GABBR2: variants seen among roughly 807,000 people sequenced by gnomAD.
GABBR2 encodes gamma-aminobutyric acid type B receptor subunit 2, also known as G-protein coupled receptor 51.
A neutral mutation model predicts 105.6 loss-of-function variants in GABBR2; 23 were observed. The observed-to-expected ratio is 0.22, with a 90% CI of 0.16 to 0.31. The LOEUF (loss-of-function observed/expected upper bound fraction) is 0.31, where lower values mean the gene tolerates loss of function less well. Among genes scored for constraint, GABBR2 ranks in the 10% least tolerant of loss-of-function variants. The pLI, the probability that GABBR2 is intolerant of heterozygous loss-of-function variation, is 1.00. For missense variants in GABBR2, 734 were observed against 1,245.5 expected, an observed-to-expected ratio of 0.59 and a Z score of 6.18; for synonymous variants, 478 against 499.7, an observed-to-expected ratio of 0.96 and a Z score of 0.58.
chr9:98,587,267 G>A (rs1443017874), intron 1 of GABBR2, among the ~76,000 whole-genome samples: 1 of 152,086 alleles, frequency 6.6e-6, no homozygotes, highest in African/African-American at 2.4e-5. Flanking sequence ...AGCACTCCCA[G>A]CCACAATGCC....
chr9:98,300,358 C>T (rs898237178), intron 16 of GABBR2, among the ~76,000 whole-genome samples: 4 of 151,098 alleles, frequency 2.6e-5, no homozygotes, highest in African/African-American at 4.9e-5. Context: ...TTGCCCAGGC[C>T]GGTCTTGAAC....
chr9:98,562,938 T>C (rs558439694), intron 2 of GABBR2, among the ~76,000 whole-genome samples: 1 of 151,166 alleles, frequency 6.6e-6, no homozygotes, highest in East Asian at 2.0e-4. Flanking sequence ...GGTATGGTGG[T>C]GTGCGCCTGT....
At position 98,289,223 on chromosome 9, in the gene GABBR2, A is replaced by C. The variant is rs1292148618; in HGVS notation, c.*1361T>G. 6.6e-6 allele frequency: 1 copy of C among 152,372 alleles called. No homozygotes were observed. Among genetic ancestry groups the C allele is most frequent in the East Asian group, 1.9e-4 (1 of 5,198 alleles). 9.4% of individuals were successfully genotyped at this position (152,372 alleles called of 1,614,324 possible). On this transcript the variant is annotated 3_prime_UTR_variant, in exon 19 of 19. Transcript: ENST00000259455. ...GTTTGGTACAAAGCTTTCCTGGACA[A>C]GATCAAGTTTCAATCCTCAGAGTGA...
intron 7 of GABBR2, among the ~76,000 whole-genome samples, chr9:98,451,526 C>T (rs765183566): frequency 5.8e-5 from 8 of 137,928 alleles, no homozygotes; most frequent in Non-Finnish European, 8.5e-5. Context: ...CCAAGTGCCT[C>T]CCCACTGCCC....
chr9:98,701,194 G>A (rs1343925351), intron 1 of GABBR2, among the ~76,000 whole-genome samples: 1 of 152,188 alleles, frequency 6.6e-6, no homozygotes. Flanking sequence ...ACACAAAGAA[G>A]GTCCCTTTAA....
At position 98,411,602 on chromosome 9, in the gene GABBR2, C is replaced by A. The variant is rs908676275; in HGVS notation, c.1237-5461G>T. 1.1e-4 allele frequency among the ~76,000 whole-genome samples: 16 copies of A among 151,894 alleles called. No individual in the cohort carries two copies. The South Asian group carries it at 3.3e-3, about 32-fold the overall frequency. ...TTTGAGACAGGGTATTGCTCTGCTG[C>A]CCAGGCTAGAGAGTAGTGGTACCAT... On this transcript the variant is annotated intron_variant, in intron 7 of 18. Coordinates refer to ENST00000259455, the MANE Select transcript of GABBR2 (RefSeq NM_005458.8).
chr9:98,574,693 A>G (rs971970675), intron 2 of GABBR2, among the ~76,000 whole-genome samples: 14 of 152,228 alleles, frequency 9.2e-5, no homozygotes, highest in Admixed American at 6.5e-5. Context: ...TCTATGTCTT[A>G]TCATCTCCTC....
At chr9:98,618,804 AAGAGACAGG>A (rs1829629097) in intron 1 of GABBR2, among the ~76,000 whole-genome samples, 1 of 2,264 alleles carries the variant, frequency 4.4e-4, no homozygotes, top group Non-Finnish European at 1.3e-3. Flanking sequence ...AAGACTCCAG[AAGAGACAGG>A]CCCAGAGGAG....
intron 3 of GABBR2, among the ~76,000 whole-genome samples, chr9:98,506,721 C>G (rs922370520): frequency 1.4e-4 from 21 of 152,196 alleles, no homozygotes; most frequent in African/African-American, 5.1e-4. Context: ...CTCACAATGG[C>G]AGAGAGTGTC....
chr9:98,528,234 T>A (rs1827998390), intron 3 of GABBR2, among the ~76,000 whole-genome samples: 1 of 152,130 alleles, frequency 6.6e-6, no homozygotes, highest in African/African-American at 2.4e-5. Flanking sequence ...GCATAGGCAT[T>A]TTAAGTAAAT....
intron 16 of GABBR2, among the ~76,000 whole-genome samples, chr9:98,302,289 T>C (rs7865648): frequency 0.47 from 71,726 of 151,988 alleles, 19,659 homozygotes; most frequent in African/African-American, 0.75. Flanking sequence ...CAATCCCTCA[T>C]GTGGACTTTC....
intron 7 of GABBR2, among the ~76,000 whole-genome samples, chr9:98,430,728 T>C (rs12336184): frequency 0.21 from 31,268 of 152,000 alleles, 4,623 homozygotes; most frequent in African/African-American, 0.4. Context: ...CTGCCTCCTT[T>C]GTCTCTGAAT....
At chr9:98,599,431 A>T (rs1292616691) in intron 1 of GABBR2, among the ~76,000 whole-genome samples, 4 of 152,210 alleles carry the variant, frequency 2.6e-5, no homozygotes, top group Non-Finnish European at 5.9e-5. Context: ...TCAACCTGGG[A>T]CCTGCAATGG....
At chr9:98,668,272 T>C (rs574014994) in intron 1 of GABBR2, among the ~76,000 whole-genome samples, 142 of 152,290 alleles carry the variant, frequency 9.3e-4, no homozygotes, top group African/African-American at 3.1e-3. Context: ...TTTTCAGACA[T>C]TTTTAAATTC....
chr9:98,629,543 A>G (rs988386116), intron 1 of GABBR2, among the ~76,000 whole-genome samples: 2 of 152,254 alleles, frequency 1.3e-5, no homozygotes, highest in African/African-American at 2.4e-5. Flanking sequence ...AACTGGATAT[A>G]GTAGACATTG....
At chr9:98,358,442 C>G (rs1247268777) in intron 13 of GABBR2, among the ~76,000 whole-genome samples, 5 of 152,232 alleles carry the variant, frequency 3.3e-5, no homozygotes, top group Non-Finnish European at 7.3e-5. Context: ...GCCTCCTTGG[C>G]TTTCAGCTGA....
chr9:98,697,518 A>G (rs1041983865), intron 1 of GABBR2, among the ~76,000 whole-genome samples: 19 of 150,818 alleles, frequency 1.3e-4, no homozygotes, highest in Middle Eastern at 3.6e-3. Flanking sequence ...TAAGGACTTC[A>G]TAGGACTGTA....
At chr9:98,311,347 T>C in intron 13 of GABBR2, 142 bp from the exon 14 acceptor site, 1 of 609,846 alleles carries the variant, frequency 1.6e-6, no homozygotes, top group South Asian at 2.0e-5. Context: ...CATCTCTGTG[T>C]TCCTAAGGTG....
At chr9:98,400,099 G>T (rs1349376657) in intron 8 of GABBR2, among the ~76,000 whole-genome samples, 1 of 151,028 alleles carries the variant, frequency 6.6e-6, no homozygotes, top group Non-Finnish European at 1.5e-5. Flanking sequence ...AAGGAGGATG[G>T]CTTACACCTG....
Sources: allele counts gnomAD v4.1 joint callset (sites outside exome capture counted in the v4.1 genomes callset), GRCh38; gene constraint gnomAD v4.1.1; transcripts MANE v1.5; gene names NCBI Gene and HGNC (gene_info 2026-07-23, HGNC 2026-07-21).